Variants in NTM observed in about 807,000 individuals in gnomAD.
NTM encodes neurotrimin.
A neutral mutation model predicts 42.1 loss-of-function variants in NTM; 13 were observed. That is an observed-to-expected ratio of 0.31 (90% CI 0.20 to 0.49). NTM has a LOEUF of 0.49. Ranked by LOEUF, NTM falls within the 20% of genes least tolerant of loss-of-function variation. The pLI, the probability that NTM is intolerant of heterozygous loss-of-function variation, is 0.99. For synonymous variants in NTM, 187 were observed against 179.2 expected, an observed-to-expected ratio of 1.04 and a Z score of -0.35; for missense variants, 373 against 452.8, an observed-to-expected ratio of 0.82 and a Z score of 1.60.
chr11:132,224,434 G>A (rs544888797), intron 4 of NTM, among the ~76,000 whole-genome samples: 2 of 152,200 alleles, frequency 1.3e-5, no homozygotes, highest in South Asian at 2.1e-4. Flanking sequence ...ATGGGCTGGA[G>A]AGCCTGATGA....
Position 131,424,600 on chromosome 11 carries a change from C to CTTTTTTTTTTTTTTTTTT in NTM, c.82+53713_82+53730dup, listed in dbSNP as rs769740331. ...AGTTGTTTTTTATTTCTTTTCTTTT[C>CTTTTTTTTTTTTTTTTTT]TTTTTTTTTTTTTTTTTTGGCGCAA... On this transcript the variant is annotated intron_variant, in intron 1 of 8. Coordinates refer to ENST00000683400, the MANE Select transcript of NTM (RefSeq NM_001352005.2). 2.0e-3 allele frequency among the ~76,000 whole-genome samples: 112 copies of CTTTTTTTTTTTTTTTTTT among 56,020 alleles called. 15 individuals carry two copies. The highest frequency in any genetic ancestry group is 6.1e-3 in the African/African-American group (84 of 13,740). The allele number at this position is 56,020 out of a possible 152,430, so 36.8% of individuals were successfully genotyped here.
chr11:131,655,296 A>G (rs1357845174), intron 1 of NTM, among the ~76,000 whole-genome samples: 1 of 152,150 alleles, frequency 6.6e-6, no homozygotes, highest in East Asian at 1.9e-4. Context: ...AGAGGCTCCC[A>G]TCCTTACCCT....
chr11:131,711,825 T>C (rs1298261104), intron 1 of NTM, among the ~76,000 whole-genome samples: 2 of 151,932 alleles, frequency 1.3e-5, no homozygotes, highest in Non-Finnish European at 2.9e-5. Context: ...GTTCATGTCC[T>C]TTGTAGGGAC....
At chr11:132,156,161 G>T (rs2073142615) in intron 3 of NTM, among the ~76,000 whole-genome samples, 2 of 152,134 alleles carry the variant, frequency 1.3e-5, no homozygotes, top group East Asian at 3.9e-4. Context: ...GTTCCTCAAA[G>T]ACTTCTCTTT....
At chr11:131,917,969 A>G (rs565904849) in intron 2 of NTM, among the ~76,000 whole-genome samples, 24 of 152,356 alleles carry the variant, frequency 1.6e-4, no homozygotes, top group African/African-American at 5.8e-4. Context: ...AGAGGAGGCT[A>G]CAGGGGGCCA....
chr11:131,953,891 A>T (rs1193603401), intron 2 of NTM, among the ~76,000 whole-genome samples: 1 of 152,222 alleles, frequency 6.6e-6, no homozygotes, highest in Non-Finnish European at 1.5e-5. Flanking sequence ...GTAGACCTTT[A>T]ACGTGAATCT....
At chr11:131,632,044 A>T (rs577144909) in intron 1 of NTM, among the ~76,000 whole-genome samples, 1 of 152,098 alleles carries the variant, frequency 6.6e-6, no homozygotes, top group Non-Finnish European at 1.5e-5. Flanking sequence ...TTCTGAAACA[A>T]TTTTTCAAGG....
At chr11:131,500,090 G>A (rs925227592) in intron 1 of NTM, among the ~76,000 whole-genome samples, 11 of 152,188 alleles carry the variant, frequency 7.2e-5, no homozygotes, top group African/African-American at 2.7e-4. Flanking sequence ...ACCTGGCCCT[G>A]TGGGCCTTCT....
chr11:132,121,386 G>GA (rs997350805), intron 2 of NTM, among the ~76,000 whole-genome samples: 2 of 151,564 alleles, frequency 1.3e-5, no homozygotes, highest in East Asian at 1.9e-4. Context: ...AGAAAATACT[G>GA]AAAAAAAATA....
chr11:131,633,033 T>G (rs191969543), intron 1 of NTM, among the ~76,000 whole-genome samples: 1 of 152,310 alleles, frequency 6.6e-6, no homozygotes, highest in African/African-American at 2.4e-5. Context: ...ATCCAAAAGC[T>G]ACTCAGAGAT....
At chr11:132,054,810 T>C (rs898911046) in intron 2 of NTM, among the ~76,000 whole-genome samples, 12 of 152,206 alleles carry the variant, frequency 7.9e-5, no homozygotes, top group Admixed American at 5.9e-4. Context: ...CTAACCCAAG[T>C]ATCCATCTAG....
At chr11:131,866,452 C>A (rs2137025673) in intron 1 of NTM, among the ~76,000 whole-genome samples, 2 of 152,362 alleles carry the variant, frequency 1.3e-5, no homozygotes, top group Admixed American at 1.3e-4. Context: ...GGCACGGGGA[C>A]CTGCCCTGAC....
At chr11:131,601,998 C>T (rs1318159967) in intron 1 of NTM, among the ~76,000 whole-genome samples, 2 of 152,080 alleles carry the variant, frequency 1.3e-5, no homozygotes, top group Non-Finnish European at 2.9e-5. Flanking sequence ...ATATTGGGGG[C>T]ACAAACAGAT....
intron 1 of NTM, among the ~76,000 whole-genome samples, chr11:131,591,634 A>T (rs1167463131): frequency 6.6e-6 from 1 of 152,054 alleles, no homozygotes; most frequent in Admixed American, 6.6e-5. Context: ...GATAAAGAAA[A>T]CCCCAACTCT....
At chr11:131,404,136 G>A (rs1294833202) in intron 1 of NTM, among the ~76,000 whole-genome samples, 1 of 151,964 alleles carries the variant, frequency 6.6e-6, no homozygotes, top group Non-Finnish European at 1.5e-5. Context: ...TCTCGGTAAA[G>A]CTTCTTACAA....
intron 2 of NTM, among the ~76,000 whole-genome samples, chr11:132,105,014 A>G (rs2136640491): frequency 7.4e-6 from 1 of 135,128 alleles, no homozygotes; most frequent in East Asian, 2.3e-4. Flanking sequence ...CCAAATGAGG[A>G]GGGCAACATT....
At chr11:131,886,676 G>A (rs898314585) in intron 1 of NTM, among the ~76,000 whole-genome samples, 1 of 152,212 alleles carries the variant, frequency 6.6e-6, no homozygotes, top group African/African-American at 2.4e-5. Flanking sequence ...ATTCAGGTGA[G>A]ATCCCTGCAG....
At chr11:132,145,274 A>G (rs1405232619) in intron 2 of NTM, among the ~76,000 whole-genome samples, 1 of 152,236 alleles carries the variant, frequency 6.6e-6, no homozygotes, top group Non-Finnish European at 1.5e-5. Flanking sequence ...ATTTGTTGCA[A>G]AACATCAAAG....
intron 2 of NTM, among the ~76,000 whole-genome samples, chr11:131,988,305 A>G (rs1197728909): frequency 6.6e-6 from 1 of 152,198 alleles, no homozygotes; most frequent in Non-Finnish European, 1.5e-5. Context: ...TGTAGCATTG[A>G]AGGTTATTGT....
Sources: gnomAD v4.1 joint callset for allele counts (sites outside exome capture counted in the v4.1 genomes callset) on GRCh38, gnomAD v4.1.1 for gene constraint, MANE v1.5 for transcripts, NCBI Gene and HGNC (gene_info 2026-07-23, HGNC 2026-07-21) for gene names.